Variants in PPP1R9A observed in about 807,000 individuals in gnomAD.
PPP1R9A encodes protein phosphatase 1 regulatory subunit 9A.
PPP1R9A carries 59 observed loss-of-function variants against 141.9 expected under a neutral mutation model. The observed-to-expected ratio is 0.42, with a 90% CI of 0.34 to 0.52. PPP1R9A has a LOEUF of 0.52. Ranked by LOEUF, PPP1R9A falls within the 20% of genes least tolerant of loss-of-function variation. PPP1R9A has a pLI of 0.10. For missense variants in PPP1R9A, 1,444 were observed against 1,611.9 expected (o/e 0.90, Z 1.78); for synonymous variants, 500 against 569.7 (o/e 0.88, Z 1.74).
At chr7:95,272,060 C>G (rs1474340049) in intron 14 of PPP1R9A, among the ~76,000 whole-genome samples, 7 of 152,162 alleles carry the variant, frequency 4.6e-5, no homozygotes, top group Non-Finnish European at 1.0e-4. Context: ...GTAAGGTTGC[C>G]TAGCACCAAG....
chr7:95,198,047 A>C (rs1389037181), intron 5 of PPP1R9A, among the ~76,000 whole-genome samples: 1 of 152,218 alleles, frequency 6.6e-6, no homozygotes, highest in Non-Finnish European at 1.5e-5. Flanking sequence ...TTTGTATGGC[A>C]TCAAAAATGT....
At chr7:94,948,621 G>T (rs1796134420) in intron 2 of PPP1R9A, among the ~76,000 whole-genome samples, 1 of 152,158 alleles carries the variant, frequency 6.6e-6, no homozygotes, top group African/African-American at 2.4e-5. Context: ...TAGAAAGGAA[G>T]TATAGCTAGC....
At chr7:95,140,391 T>G (rs1826440894) in intron 4 of PPP1R9A, among the ~76,000 whole-genome samples, 1 of 152,222 alleles carries the variant, frequency 6.6e-6, no homozygotes, top group Admixed American at 6.5e-5. Flanking sequence ...TTATAATTGC[T>G]TATTTCACTT....
intron 16 of PPP1R9A, among the ~76,000 whole-genome samples, chr7:95,277,472 C>A (rs571123701): frequency 1.2e-3 from 183 of 152,236 alleles, no homozygotes; most frequent in Non-Finnish European, 2.1e-3. Flanking sequence ...CTCTGTTGCC[C>A]AGGCTGGAGG....
At chr7:95,268,352 T>C (rs1396512224) in intron 12 of PPP1R9A, among the ~76,000 whole-genome samples, 198 bp from the exon 13 acceptor site, 1 of 152,128 alleles carries the variant, frequency 6.6e-6, no homozygotes, top group Non-Finnish European at 1.5e-5. Flanking sequence ...TCTTTAGTGT[T>C]GGTTTCTTCC....
At chr7:95,071,663 G>T (rs1813831106) in intron 2 of PPP1R9A, among the ~76,000 whole-genome samples, 2 of 151,858 alleles carry the variant, frequency 1.3e-5, no homozygotes, top group South Asian at 4.1e-4. Context: ...AAAATTAAAA[G>T]AAAATGTTTT....
At chr7:95,027,526 T>C (rs1183584779) in intron 2 of PPP1R9A, among the ~76,000 whole-genome samples, 3 of 152,220 alleles carry the variant, frequency 2.0e-5, no homozygotes, top group Admixed American at 2.0e-4. Flanking sequence ...GCTGTTCCTA[T>C]TCAGCTATCT....
chr7:95,001,580 T>C (rs968719339), intron 2 of PPP1R9A, among the ~76,000 whole-genome samples: 2 of 152,224 alleles, frequency 1.3e-5, no homozygotes, highest in African/African-American at 2.4e-5. Flanking sequence ...AATAAAAGGA[T>C]GCTTAGTGTG....
intron 2 of PPP1R9A, among the ~76,000 whole-genome samples, chr7:94,973,660 A>T (rs1799110503): frequency 6.6e-6 from 1 of 152,162 alleles, no homozygotes; most frequent in African/African-American, 2.4e-5. Flanking sequence ...TATATAAGTC[A>T]AGTTATAGAA....
At chr7:95,164,917 T>C (rs534277267) in intron 5 of PPP1R9A, among the ~76,000 whole-genome samples, 2 of 152,138 alleles carry the variant, frequency 1.3e-5, no homozygotes, top group South Asian at 4.2e-4. Flanking sequence ...AAATTTAATA[T>C]ACTCCAAGTA....
chr7:95,200,428 C>T (rs1017338943), intron 6 of PPP1R9A, among the ~76,000 whole-genome samples: 1 of 148,638 alleles, frequency 6.7e-6, no homozygotes, highest in Non-Finnish European at 1.5e-5. Flanking sequence ...CACAGAACCA[C>T]ATCCTGCTAA....
chr7:95,208,266 G>A (rs978878571), intron 7 of PPP1R9A, among the ~76,000 whole-genome samples: 5 of 152,162 alleles, frequency 3.3e-5, no homozygotes, highest in African/African-American at 1.2e-4. Flanking sequence ...GAAGAGTTGA[G>A]AAATGTTTGG....
At chr7:95,211,840 A>G (rs1217105319) in intron 7 of PPP1R9A, among the ~76,000 whole-genome samples, 3 of 152,164 alleles carry the variant, frequency 2.0e-5, no homozygotes, top group Non-Finnish European at 4.4e-5. Flanking sequence ...ATTTTGTAAA[A>G]GCCCGGCATG....
chr7:95,290,054 T>A lies in PPP1R9A; in HGVS notation c.3913-37T>A, dbSNP rs1403533564. ...TTAACACCATCAGAGGGCTCATTGG[T>A]TTTCAAATTCAGTTTGTGTGTGTGT... On this transcript the variant is annotated intron_variant, in intron 19 of 19. Transcript: ENST00000433360. 5 of 1,605,826 alleles carry A rather than the reference T, an allele frequency of 3.1e-6. No individual in the cohort carries two copies. The Admixed American group carries it at 5.2e-5, about 17-fold the overall frequency.
chr7:95,110,491 A>T (rs2152440338), intron 2 of PPP1R9A, among the ~76,000 whole-genome samples: 1 of 152,282 alleles, frequency 6.6e-6, no homozygotes, highest in South Asian at 2.1e-4. Flanking sequence ...TTTCTTTCAT[A>T]TATTTTTTCC....
chr7:95,111,211 G>GTTT, intron 2 of PPP1R9A, 48 bp from the exon 3 acceptor site: 1 of 1,453,290 alleles, frequency 6.9e-7, no homozygotes, highest in East Asian at 2.3e-5. Context: ...ATACCTGGCA[G>GTTT]GTTTTTTTTT....
intron 2 of PPP1R9A, among the ~76,000 whole-genome samples, chr7:94,974,455 C>T (rs540193549): frequency 2.3e-4 from 35 of 152,188 alleles, no homozygotes; most frequent in African/African-American, 7.7e-4. Flanking sequence ...CCAAATGGAA[C>T]GAGCTGTCCA....
chr7:95,287,489 C>G (rs2115936897), intron 18 of PPP1R9A, among the ~76,000 whole-genome samples: 1 of 152,280 alleles, frequency 6.6e-6, no homozygotes, highest in Non-Finnish European at 1.5e-5. Context: ...GTCTTTCCTT[C>G]AAGACCTATC....
chr7:95,044,967 A>G (rs2151941115), intron 2 of PPP1R9A, among the ~76,000 whole-genome samples: 1 of 152,160 alleles, frequency 6.6e-6, no homozygotes, highest in South Asian at 2.1e-4. Flanking sequence ...GGGCAATAAA[A>G]ATGATGAAAA....
Sources: allele counts gnomAD v4.1 joint callset (sites outside exome capture counted in the v4.1 genomes callset), GRCh38; gene constraint gnomAD v4.1.1; transcripts MANE v1.5; gene names NCBI Gene and HGNC (gene_info 2026-07-23, HGNC 2026-07-21).